The following HEATR5A variants were observed in gnomAD, a reference collection of about 807,000 sequenced individuals.
HEATR5A encodes HEAT repeat containing 5A.
Under a neutral mutation model 218.8 loss-of-function variants are expected in HEATR5A, and 178 were observed. That is an observed-to-expected ratio of 0.81 (90% CI 0.72 to 0.92). The LOEUF is 0.92. Among genes scored for constraint, HEATR5A ranks in the 40% least tolerant of loss-of-function variants. HEATR5A has a pLI of 0.00. For synonymous variants in HEATR5A, 864 were observed against 871.6 expected (o/e 0.99, Z 0.15); for missense variants, 2,420 against 2,418.9 (o/e 1.00, Z -0.01).
In HEATR5A at chr14:31,293,897, G is replaced by C. The variant is rs749130230; in HGVS notation, c.5827C>G (p.His1943Asp). Reference protein sequence around the residue: ...LETLVTVAEEHHRAQLVACLL... With the variant: ...LETLVTVAEEDHRAQLVACLL... ...ATTTAGTGCTGACACTTACGATGGTGTTCTTCAGCAACAGTAACCAGTGTT... is the reference window on the plus strand; with the variant it reads ...ATTTAGTGCTGACACTTACGATGGTCTTCTTCAGCAACAGTAACCAGTGTT... Residue 1943 changes from histidine (H) to aspartate (D), a missense_variant, in exon 35 of 36, where the codon CAC becomes GAC. His to Asp is a moderately conservative substitution (Grantham distance 81, BLOSUM62 -1). Transcript: ENST00000543095. The C allele has an allele frequency of 1.9e-6, 3 of 1,596,326 alleles. No homozygotes were observed. Among genetic ancestry groups the C allele is most frequent in the Non-Finnish European group, 2.6e-6 (3 of 1,169,848 alleles).
At chr14:31,376,336 C>T (rs931411303) in intron 11 of HEATR5A, among the ~76,000 whole-genome samples, 14 of 151,948 alleles carry the variant, frequency 9.2e-5, no homozygotes, top group African/African-American at 1.9e-4. Context: ...GTCAACACAC[C>T]GAAATCTTTC....
rs371267589 is a variant in HEATR5A at position 31,326,266 on chromosome 14, G to A, written c.3444C>T (p.Cys1148=). The change falls in exon 23 of 36, where the codon TGC becomes TGT. Residue 1148 remains cysteine, a synonymous_variant. Coordinates refer to ENST00000543095, the MANE Select transcript of HEATR5A (RefSeq NM_015473.4). The part of the protein sequence containing the change: ...LLDKETDERL[C]HDIKETLNYM... ...AATTTAAAGTCTCTTTGATATCATG[G>A]CATAATCTCTCATCTGTCTCCTTGT... 8.2e-5 allele frequency: 133 copies of A among 1,612,536 alleles called. No individual in the cohort carries two copies. The highest frequency in any genetic ancestry group is 1.7e-4 in the Admixed American group (10 of 59,994).
At chr14:31,399,085 A>G (rs749515808) in intron 3 of HEATR5A, among the ~76,000 whole-genome samples, 13 of 152,194 alleles carry the variant, frequency 8.5e-5, no homozygotes, top group Non-Finnish European at 1.5e-4. Flanking sequence ...TCTATGATCA[A>G]TTTTGAGTTA....
In HEATR5A at chr14:31,292,289, C is replaced by T. The variant is rs1394022238; in HGVS notation, c.*1016G>A. 6 of 151,998 alleles carry T rather than the reference C, an allele frequency of 3.9e-5. No individual in the cohort carries two copies. Among genetic ancestry groups the T allele is most frequent in the African/African-American group, 1.4e-4 (6 of 41,390 alleles). 9.4% of individuals were successfully genotyped at this position (151,998 alleles called of 1,614,324 possible). A position where few individuals can be genotyped will look rare whatever the true frequency, so the allele number is the denominator to read the frequency against. On this transcript the variant is annotated 3_prime_UTR_variant, in exon 36 of 36. Coordinates refer to ENST00000543095, the MANE Select transcript of HEATR5A (RefSeq NM_015473.4). ...AATGTTTGCCACAAATGAAAATGAA[C>T]AAAATTGGTAAGAACAGAGGTAAAC...
intron 1 of HEATR5A, among the ~76,000 whole-genome samples, chr14:31,408,320 T>TA (rs1388391099): frequency 3.9e-5 from 6 of 152,230 alleles, no homozygotes; most frequent in Non-Finnish European, 8.8e-5. Flanking sequence ...AAATTTTACT[T>TA]AAAGTTTTCC....
chr14:31,314,580 A>T (rs997858880), intron 27 of HEATR5A, among the ~76,000 whole-genome samples: 4 of 151,928 alleles, frequency 2.6e-5, no homozygotes, highest in African/African-American at 9.7e-5. Context: ...TTAAAATTTT[A>T]TATAGAGATG....
intron 9 of HEATR5A, among the ~76,000 whole-genome samples, chr14:31,385,882 C>T (rs1463457875): frequency 6.6e-6 from 1 of 152,058 alleles, no homozygotes; most frequent in Non-Finnish European, 1.5e-5. Flanking sequence ...CATGCGCCAC[C>T]ATGACGGGCT....
intron 22 of HEATR5A, chr14:31,334,532 T>G (rs1278996980): frequency 2.3e-6 from 1 of 436,794 alleles, no homozygotes; most frequent in Non-Finnish European, 4.6e-6. Context: ...TTGAGAGAAC[T>G]GATTCTAGTT....
intron 16 of HEATR5A, among the ~76,000 whole-genome samples, chr14:31,354,859 A>AT (rs1172096982): frequency 6.6e-6 from 1 of 152,246 alleles, no homozygotes; most frequent in Non-Finnish European, 1.5e-5. Flanking sequence ...ACTGAGAATT[A>AT]TAACTGTTTA....
At chr14:31,385,495 A>AT (rs760862737) in intron 9 of HEATR5A, among the ~76,000 whole-genome samples, 47 of 151,698 alleles carry the variant, frequency 3.1e-4, no homozygotes, top group Middle Eastern at 3.4e-3. Flanking sequence ...ATATTGAATG[A>AT]TTTTTTTTTA....
intron 13 of HEATR5A, among the ~76,000 whole-genome samples, chr14:31,369,161 G>A (rs1901923300): frequency 6.6e-6 from 1 of 152,014 alleles, no homozygotes. Flanking sequence ...GCTGGGTGTG[G>A]TGGTGCACAC....
At chr14:31,321,264 T>C (rs1401932380) in intron 25 of HEATR5A, among the ~76,000 whole-genome samples, 1 of 152,038 alleles carries the variant, frequency 6.6e-6, no homozygotes, top group Non-Finnish European at 1.5e-5. Flanking sequence ...GCTCAAGTGA[T>C]TCTCCCACCT....
Position 31,374,884 on chromosome 14 carries a change from G to A in HEATR5A, c.1793C>T (p.Thr598Ile). ...AAACGAATCTCCTCGGCTCTTTTCT[G>A]TTTCTAGATCTTTAGGAGATGCTGG... is the stretch of plus-strand genomic sequence containing the variant. Reference protein sequence around the residue: ...VFPASPKDLETEKSRGDSFTW... With the variant: ...VFPASPKDLEIEKSRGDSFTW... Residue 598 changes from threonine to isoleucine, a missense_variant, in exon 12 of 36, where the codon ACA becomes ATA. Thr to Ile is a moderately conservative substitution (Grantham distance 89). Coordinates refer to ENST00000543095, the MANE Select transcript of HEATR5A (RefSeq NM_015473.4). 6.2e-7 allele frequency: 1 copy of A among 1,613,618 alleles called. No individual in the cohort carries two copies. Among genetic ancestry groups the A allele is most frequent in the South Asian group, 1.1e-5 (1 of 90,960 alleles).
rs779718622 is a variant in HEATR5A, at chr14:31,293,461, A to T, written c.5985T>A (p.Phe1995Leu). The T allele has an allele frequency of 3.7e-6, 6 of 1,613,972 alleles. No individual in the cohort carries two copies. In the Admixed American group the frequency reaches 6.7e-5, roughly 18 times the overall value. The part of the protein sequence containing the change: ...MQIGPQYSSV[F>L]KSLVASSPAL... ...CTGGAGAAGAAGCCACTAAACTTTT[A>T]AAAACAGATGAATACTGAGGTCCAA... The change falls in exon 36 of 36, where the codon TTT (phenylalanine) becomes TTA (leucine). Residue 1995 changes from phenylalanine to leucine, a missense_variant. Coordinates refer to ENST00000543095, the MANE Select transcript of HEATR5A (RefSeq NM_015473.4).
intron 1 of HEATR5A, among the ~76,000 whole-genome samples, chr14:31,404,735 CG>C (rs2139311396): frequency 6.6e-6 from 1 of 151,740 alleles, no homozygotes; most frequent in Non-Finnish European, 1.5e-5. Context: ...GTAACATAGA[CG>C]GACTTTGTCT....
chr14:31,377,986 T>C (rs1013644523), intron 11 of HEATR5A, among the ~76,000 whole-genome samples: 1 of 152,230 alleles, frequency 6.6e-6, no homozygotes, highest in Non-Finnish European at 1.5e-5. Context: ...TCCAACACAA[T>C]TAGCTTGTTT....
At chr14:31,403,166 G>A in intron 1 of HEATR5A, 117 bp from the exon 2 acceptor site, 1 of 509,476 alleles carries the variant, frequency 2.0e-6, no homozygotes, top group Non-Finnish European at 3.4e-6. Flanking sequence ...AATGCTCTAG[G>A]GTGAATCTGG....
At chr14:31,347,439 T>C (rs2139211635) in intron 19 of HEATR5A, among the ~76,000 whole-genome samples, 1 of 152,270 alleles carries the variant, frequency 6.6e-6, no homozygotes, top group East Asian at 1.9e-4. Flanking sequence ...CTTGAACTCC[T>C]GAGCTCAAGC....
intron 11 of HEATR5A, among the ~76,000 whole-genome samples, chr14:31,378,515 C>A (rs143281071): frequency 1.3e-5 from 2 of 152,086 alleles, no homozygotes; most frequent in Non-Finnish European, 2.9e-5. Context: ...TGGCCAGGTG[C>A]GGTGGCTCAC....
Sources: allele counts gnomAD v4.1 joint callset (sites outside exome capture counted in the v4.1 genomes callset), GRCh38; gene constraint gnomAD v4.1.1; transcripts MANE v1.5; gene names NCBI Gene and HGNC (gene_info 2026-07-23, HGNC 2026-07-21).